The following RDX variants were observed in gnomAD, a reference collection of about 807,000 sequenced individuals.
The protein encoded by RDX is deafness, autosomal recessive 24.
RDX carries 32 observed loss-of-function variants against 83.7 expected under a neutral mutation model. The observed-to-expected ratio is 0.38, with a 90% CI of 0.29 to 0.51. The LOEUF (loss-of-function observed/expected upper bound fraction) is 0.51, where lower values mean the gene tolerates loss of function less well. Ranked by LOEUF, RDX falls within the 20% of genes least tolerant of loss-of-function variation. RDX has a pLI of 0.87. For synonymous variants in RDX, 229 were observed against 222.7 expected (o/e 1.03, Z -0.25); for missense variants, 600 against 689.9 (o/e 0.87, Z 1.46).
intron 15 of RDX, among the ~76,000 whole-genome samples, chr11:110,195,093 C>T (rs183151094): frequency 5.7e-4 from 86 of 152,184 alleles, no homozygotes; most frequent in African/African-American, 2.0e-3. Flanking sequence ...CGGGTTCAAG[C>T]GATTCTCCTG....
chr11:110,238,627 A>T (rs1241724619), intron 10 of RDX, among the ~76,000 whole-genome samples: 2 of 152,148 alleles, frequency 1.3e-5, no homozygotes, highest in East Asian at 3.9e-4. Context: ...TGCAGTTAAG[A>T]CTTGGAAGGT....
chr11:110,217,538 G>A lies in RDX; in HGVS notation c.1748+14335C>T, dbSNP rs143236901. 3.0e-4 allele frequency among the ~76,000 whole-genome samples: 45 copies of A among 152,272 alleles called. 1 individual carries two copies. The highest frequency in any genetic ancestry group is 3.1e-4 in the African/African-American group (13 of 41,538). On this transcript the variant is annotated intron_variant, in intron 14 of 15. Coordinates refer to the RDX transcript ENST00000528498. ...CTTAACCTCTCCTGAGGAGAGCAGC[G>A]CAAGATATAAACAGACTTTCCTAAC...
At chr11:110,234,074 A>G (rs956799857) in intron 12 of RDX, among the ~76,000 whole-genome samples, 3 of 152,316 alleles carry the variant, frequency 2.0e-5, no homozygotes, top group Non-Finnish European at 2.9e-5. Flanking sequence ...TGGTGTAATT[A>G]TGAACAATAC....
At position 110,231,449 on chromosome 11, in the gene RDX, T is replaced by G. The variant is rs1032703901; in HGVS notation, c.*420A>C. The G allele has an allele frequency of 8.5e-6, 2 of 234,856 alleles. No homozygotes were observed. The highest frequency in any genetic ancestry group is 1.7e-5 in the Non-Finnish European group (2 of 118,710). The allele number at this position is 234,856 out of a possible 1,614,324, so 14.5% of individuals were successfully genotyped here. Reference sequence around the variant, plus strand: ...ATAAGAGAAGGGCACACTGAGAAAATGTGAGTGAGAGAGAATGTGGAAATA... The same window carrying G: ...ATAAGAGAAGGGCACACTGAGAAAAGGTGAGTGAGAGAGAATGTGGAAATA... On this transcript the variant is annotated 3_prime_UTR_variant, in exon 14 of 14. Transcript: ENST00000645495.
At chr11:110,287,012 A>G (rs1272938063) in intron 1 of RDX, 1 of 152,242 alleles carries the variant, frequency 6.6e-6, no homozygotes, top group African/African-American at 2.4e-5. Flanking sequence ...TGAGTAATAT[A>G]TATGCTTTTT....
intron 15 of RDX, among the ~76,000 whole-genome samples, chr11:110,184,522 T>C (rs1239960623): frequency 1.3e-5 from 2 of 152,156 alleles, no homozygotes; most frequent in Non-Finnish European, 2.9e-5. Context: ...GAGCCTCACC[T>C]GCTCTGACTG....
intron 4 of RDX, among the ~76,000 whole-genome samples, 191 bp downstream of exon 4, chr11:110,264,588 T>C (rs1053265024): frequency 5.9e-5 from 9 of 151,756 alleles, no homozygotes; most frequent in African/African-American, 2.2e-4. Context: ...AAAGTAAGCA[T>C]TTCTTTTTTT....
intron 14 of RDX, among the ~76,000 whole-genome samples, chr11:110,202,601 T>C (rs1863455286): frequency 6.6e-6 from 1 of 150,530 alleles, no homozygotes; most frequent in Non-Finnish European, 1.5e-5. Flanking sequence ...CTTTCTTTTT[T>C]TTTTTTTTTT....
chr11:110,284,752 T>C (rs919491720), intron 1 of RDX, among the ~76,000 whole-genome samples: 66 of 151,972 alleles, frequency 4.3e-4, no homozygotes, highest in African/African-American at 1.5e-3. Flanking sequence ...CTCGATCTCC[T>C]GACCTCGTGA....
chr11:110,192,725 C>G (rs1863125662), intron 15 of RDX, among the ~76,000 whole-genome samples: 1 of 151,964 alleles, frequency 6.6e-6, no homozygotes, highest in Non-Finnish European at 1.5e-5. Context: ...AGACACTTCT[C>G]AAAAGAAGAT....
intron 1 of RDX, among the ~76,000 whole-genome samples, chr11:110,287,787 T>A (rs1861048576): frequency 6.6e-6 from 1 of 152,164 alleles, no homozygotes; most frequent in East Asian, 1.9e-4. Flanking sequence ...GGTGTTACAA[T>A]CTCTCATTCT....
intron 5 of RDX, among the ~76,000 whole-genome samples, chr11:110,262,005 AT>A (rs1323733111): frequency 6.6e-6 from 1 of 152,226 alleles, no homozygotes; most frequent in Non-Finnish European, 1.5e-5. Context: ...TAGATAAAGC[AT>A]TCCTATTCTT....
chr11:110,218,145 T>C (rs1864122413), intron 14 of RDX, among the ~76,000 whole-genome samples: 1 of 152,172 alleles, frequency 6.6e-6, no homozygotes, highest in African/African-American at 2.4e-5. Context: ...TGCCAACGTG[T>C]CAGATTTAGA....
Position 110,230,043 on chromosome 11 carries a change from C to T in RDX, c.*1826G>A, listed in dbSNP as rs1196986425. On this transcript the variant is annotated 3_prime_UTR_variant, in exon 14 of 14. Coordinates refer to ENST00000645495, the MANE Select transcript of RDX (RefSeq NM_002906.4). ...GGTTAACCAGCTATGTTTTGTCCTA[C>T]AAAGTTCAAAAAATATATTAAACGC... The T allele has an allele frequency of 6.6e-6, 1 of 152,458 alleles. No individual in the cohort carries two copies. Among genetic ancestry groups the T allele is most frequent in the Non-Finnish European group, 1.5e-5 (1 of 67,964 alleles). 9.4% of individuals were successfully genotyped at this position (152,458 alleles called of 1,614,324 possible).
intron 7 of RDX, among the ~76,000 whole-genome samples, chr11:110,256,005 C>G (rs1859531315): frequency 6.6e-6 from 1 of 152,122 alleles, no homozygotes; most frequent in Non-Finnish European, 1.5e-5. Context: ...ACTCTTGAGA[C>G]TATACACAGC....
chr11:110,234,168 A>G (rs1375758061), intron 12 of RDX, among the ~76,000 whole-genome samples: 2 of 152,202 alleles, frequency 1.3e-5, no homozygotes, highest in Admixed American at 1.3e-4. Context: ...AAAACATTTA[A>G]TTTGAATTCC....
Position 110,266,298 on chromosome 11 carries a change from A to C in RDX, c.97-1424T>G, listed in dbSNP as rs954941380. ...CAGTGAGCCGAGATCGTGCCACTGCACTCCAGCCTGGGCGACAGAGCAAGA... is the reference window on the plus strand; with the variant it reads ...CAGTGAGCCGAGATCGTGCCACTGCCCTCCAGCCTGGGCGACAGAGCAAGA... On this transcript the variant is annotated intron_variant, in intron 3 of 13. Transcript: ENST00000645495. Among the ~76,000 whole-genome samples the C allele has an allele frequency of 4.6e-5, 7 of 152,000 alleles. No homozygotes were observed. In the East Asian group the frequency reaches 7.7e-4, roughly 17 times the overall value.
At chr11:110,204,752 T>C (rs1331918507) in intron 14 of RDX, among the ~76,000 whole-genome samples, 2 of 152,162 alleles carry the variant, frequency 1.3e-5, no homozygotes, top group African/African-American at 4.8e-5. Context: ...CCTGACCTCG[T>C]GATCTGCCTG....
At chr11:110,263,914 G>T in intron 5 of RDX, 46 bp downstream of exon 5, 2 of 1,527,022 alleles carry the variant, frequency 1.3e-6, no homozygotes, top group Non-Finnish European at 1.8e-6. Context: ...TAGACTTCTA[G>T]AATACAATTT....
Sources: gnomAD v4.1 joint callset for allele counts (sites outside exome capture counted in the v4.1 genomes callset) on GRCh38, gnomAD v4.1.1 for gene constraint, MANE v1.5 for transcripts, NCBI Gene and HGNC (gene_info 2026-07-23, HGNC 2026-07-21) for gene names.